The following PTPRK variants were observed in gnomAD, a reference collection of about 807,000 sequenced individuals.
PTPRK encodes protein tyrosine phosphatase receptor type K, also known as receptor-type tyrosine-protein phosphatase kappa.
A neutral mutation model predicts 178.0 loss-of-function variants in PTPRK; 75 were observed. The observed-to-expected ratio is 0.42, with a 90% CI of 0.35 to 0.51. PTPRK has a LOEUF of 0.51. Among genes scored for constraint, PTPRK ranks in the 20% least tolerant of loss-of-function variants. The pLI, the probability that PTPRK is intolerant of heterozygous loss-of-function variation, is 0.02. For missense variants in PTPRK, 1,441 were observed against 1,797.8 expected, an observed-to-expected ratio of 0.80 and a Z score of 3.59; for synonymous variants, 637 against 620.6, an observed-to-expected ratio of 1.03 and a Z score of -0.39.
intron 3 of PTPRK, among the ~76,000 whole-genome samples, chr6:128,294,082 C>A (rs1823855861): frequency 6.6e-6 from 1 of 152,028 alleles, no homozygotes; most frequent in Admixed American, 6.6e-5. Flanking sequence ...TATTTTTCCA[C>A]AAGGACAATT....
intron 14 of PTPRK, 45 bp downstream of exon 14, chr6:128,009,085 G>A: frequency 6.7e-7 from 1 of 1,493,592 alleles, no homozygotes; most frequent in Non-Finnish European, 9.0e-7. Context: ...TAAAACCAGT[G>A]ACATAAATGG....
chr6:128,315,621 T>G (rs1827888305), intron 3 of PTPRK, among the ~76,000 whole-genome samples: 1 of 152,176 alleles, frequency 6.6e-6, no homozygotes, highest in Non-Finnish European at 1.5e-5. Flanking sequence ...TTCGTTTATA[T>G]TCCAACCCCA....
chr6:128,069,462 G>T (rs1258498926), intron 11 of PTPRK, among the ~76,000 whole-genome samples: 1 of 152,062 alleles, frequency 6.6e-6, no homozygotes. Flanking sequence ...AAATACATAC[G>T]CATAGCCCTG....
At chr6:128,088,658 G>T (rs1355028246) in intron 8 of PTPRK, among the ~76,000 whole-genome samples, 1 of 151,988 alleles carries the variant, frequency 6.6e-6, no homozygotes, top group African/African-American at 2.4e-5. Flanking sequence ...ATATGTTTTT[G>T]CTAAATTAGG....
chr6:128,476,238 A>T (rs528473333), intron 1 of PTPRK, among the ~76,000 whole-genome samples: 5 of 151,990 alleles, frequency 3.3e-5, no homozygotes, highest in Non-Finnish European at 7.4e-5. Flanking sequence ...GACCCTCAAC[A>T]ATATCTTGGG....
At chr6:128,116,295 A>G (rs1460441945) in intron 7 of PTPRK, among the ~76,000 whole-genome samples, 3 of 152,166 alleles carry the variant, frequency 2.0e-5, no homozygotes, top group Non-Finnish European at 4.4e-5. Context: ...AGAATTAATT[A>G]GTTTTATCTA....
chr6:128,031,573 G>A (rs1018939389), intron 13 of PTPRK, among the ~76,000 whole-genome samples: 1 of 152,046 alleles, frequency 6.6e-6, no homozygotes, highest in African/African-American at 2.4e-5. Flanking sequence ...ATTATCTTTT[G>A]TTGTTATTGT....
At chr6:128,067,421 C>CA in intron 12 of PTPRK, 98 bp downstream of exon 12, 2 of 1,047,828 alleles carry the variant, frequency 1.9e-6, no homozygotes, top group Non-Finnish European at 2.6e-6. Context: ...TTTTCTTTTT[C>CA]TTTTTTTTTT....
intron 2 of PTPRK, among the ~76,000 whole-genome samples, chr6:128,342,533 T>C (rs1831808992): frequency 6.6e-6 from 1 of 151,970 alleles, no homozygotes; most frequent in Non-Finnish European, 1.5e-5. Context: ...TATCTCAGTA[T>C]TGAAGTATTT....
At chr6:128,078,772 C>T (rs1784294093) in intron 11 of PTPRK, 41 bp downstream of exon 11, 1 of 1,442,178 alleles carries the variant, frequency 6.9e-7, no homozygotes, top group East Asian at 2.3e-5. Context: ...GATGTACATA[C>T]CTGTGGATAA....
intron 1 of PTPRK, among the ~76,000 whole-genome samples, chr6:128,436,924 C>T (rs1183158067): frequency 6.6e-6 from 1 of 152,130 alleles, no homozygotes; most frequent in African/African-American, 2.4e-5. Flanking sequence ...TGCTGTACAA[C>T]GTTACACCTA....
At chr6:128,082,700 T>A in intron 9 of PTPRK, 62 bp from the exon 10 acceptor site, 4 of 1,303,702 alleles carry the variant, frequency 3.1e-6, no homozygotes, top group Non-Finnish European at 4.2e-6. Context: ...GTAAATAAAC[T>A]CTGTATAAAT....
At chr6:128,286,073 C>T (rs1822458376) in intron 3 of PTPRK, among the ~76,000 whole-genome samples, 1 of 152,108 alleles carries the variant, frequency 6.6e-6, no homozygotes, top group African/African-American at 2.4e-5. Flanking sequence ...AGGGTAAAGA[C>T]TGGGCTCTTG....
At chr6:128,352,940 TAC>T (rs1434124643) in intron 2 of PTPRK, among the ~76,000 whole-genome samples, 2 of 152,198 alleles carry the variant, frequency 1.3e-5, no homozygotes, top group African/African-American at 4.8e-5. Context: ...TGTCATTTTT[TAC>T]AAATGTATAC....
chr6:128,193,552 C>T (rs1015925924), intron 6 of PTPRK, among the ~76,000 whole-genome samples: 1 of 151,988 alleles, frequency 6.6e-6, no homozygotes, highest in African/African-American at 2.4e-5. Flanking sequence ...AAATATGCTG[C>T]TCTTCATATT....
intron 7 of PTPRK, among the ~76,000 whole-genome samples, chr6:128,167,405 A>G (rs1164356507): frequency 6.6e-6 from 1 of 151,950 alleles, no homozygotes; most frequent in Non-Finnish European, 1.5e-5. Context: ...ATTGAACAAA[A>G]GGAATGTATA....
At chr6:127,995,197 G>A (rs1386934645) in intron 18 of PTPRK, 4 of 1,499,922 alleles carry the variant, frequency 2.7e-6, no homozygotes, top group Non-Finnish European at 3.7e-6. Flanking sequence ...CTGTAATTAA[G>A]AATGTTTGTA....
intron 2 of PTPRK, among the ~76,000 whole-genome samples, chr6:128,347,893 C>A (rs545775337): frequency 3.4e-4 from 51 of 152,096 alleles, no homozygotes; most frequent in African/African-American, 1.2e-3. Context: ...CATAAAATAG[C>A]AACATTAATA....
chr6:127,992,861 C>T (rs1245945788), intron 18 of PTPRK, 152 bp from the exon 19 acceptor site: 2 of 532,188 alleles, frequency 3.8e-6, no homozygotes, highest in Middle Eastern at 4.3e-4. Flanking sequence ...ACTTCTCAAA[C>T]CTATGTTATC....
Sources: allele counts gnomAD v4.1 joint callset (sites outside exome capture counted in the v4.1 genomes callset), GRCh38; gene constraint gnomAD v4.1.1; transcripts MANE v1.5; gene names NCBI Gene and HGNC (gene_info 2026-07-23, HGNC 2026-07-21).